The following DYNLL2 variants were observed in gnomAD, a reference collection of about 807,000 sequenced individuals.
DYNLL2 encodes the protein dynein light chain LC8-type 2, also known as dynein light chain 2, cytoplasmic.
In DYNLL2, 1 loss-of-function variant was observed where a neutral mutation model predicts 9.7. That is an observed-to-expected ratio of 0.10 (90% CI 0.04 to 0.49). DYNLL2 has a LOEUF of 0.49. Among genes scored for constraint, DYNLL2 ranks in the 20% least tolerant of loss-of-function variants. DYNLL2 has a pLI of 0.95. For missense variants in DYNLL2, 37 were observed against 115.2 expected, an observed-to-expected ratio of 0.32 and a Z score of 3.11; for synonymous variants, 35 against 40.5, an observed-to-expected ratio of 0.86 and a Z score of 0.52.
At chr17:58,086,989 C>A in intron 1 of DYNLL2, 93 bp from the exon 2 acceptor site, 1 of 1,481,580 alleles carries the variant, frequency 6.7e-7, no homozygotes, top group African/African-American at 1.4e-5. Flanking sequence ...ACCTTCTATA[C>A]TCCCCTCTTG....
At position 58,092,505 on chromosome 17, in the gene DYNLL2, A is replaced by G. The variant is rs1374652821; in HGVS notation, c.*3226A>G. On this transcript the variant is annotated 3_prime_UTR_variant, in exon 3 of 3. Transcript: ENST00000579991. ...TCACTGAAGGGACTGTGGAAAGCAG[A>G]TGGAAATTGTGGAATTCTCTCGGAA... 2 of 152,280 alleles carry G rather than the reference A, an allele frequency of 1.3e-5. No homozygotes were observed. The highest frequency in any genetic ancestry group is 2.9e-5 in the Non-Finnish European group (2 of 68,074). The allele number at this position is 152,280 out of a possible 1,614,324, so 9.4% of individuals were successfully genotyped here.
chr17:58,083,458 A>AGCGG lies in DYNLL2; in HGVS notation c.-218_-215dup, dbSNP rs376668096. On this transcript the variant is annotated 5_prime_UTR_variant, in exon 1 of 3. Transcript: ENST00000579991. ...GCGGAGCTGTGAGGCGCCAGTGCGG[A>AGCGG]GCGGGCGGGCGGGCGGGCGGCGTGA... is the stretch of plus-strand genomic sequence containing the variant. 73,850 of 130,892 alleles carry AGCGG rather than the reference A, an allele frequency of 0.56. 21,572 individuals carry two copies. The highest frequency in any genetic ancestry group is 0.78 in the East Asian group (3,254 of 4,148). The allele number at this position is 130,892 out of a possible 1,614,324, so 8.1% of individuals were successfully genotyped here. A position where few individuals can be genotyped will look rare whatever the true frequency, so the allele number is the denominator to read the frequency against.
Position 58,089,448 on chromosome 17 carries a change from C to T in DYNLL2, c.*169C>T, listed in dbSNP as rs145820835. 2.5e-6 allele frequency: 2 copies of T among 807,638 alleles called. No homozygotes were observed. Among genetic ancestry groups the T allele is most frequent in the Non-Finnish European group, 1.8e-6 (1 of 556,558 alleles). 50.0% of individuals were successfully genotyped at this position (807,638 alleles called of 1,614,324 possible). A position where few individuals can be genotyped will look rare whatever the true frequency, so the allele number is the denominator to read the frequency against. On this transcript the variant is annotated 3_prime_UTR_variant, in exon 3 of 3. Transcript: ENST00000579991. The stretch of plus-strand genomic sequence containing the variant: ...TATGTCGCAGTAAACAAAACCAAAC[C>T]TCTTTCTGTTTAGTTGCCTGGGGGA...
At position 58,094,277 on chromosome 17, in the gene DYNLL2, C is replaced by G. The variant is rs2075790261; in HGVS notation, c.*4998C>G. The G allele has an allele frequency of 6.6e-6, 1 of 152,094 alleles. No homozygotes were observed. The highest frequency in any genetic ancestry group is 6.5e-5 in the Admixed American group (1 of 15,272). The allele number at this position is 152,094 out of a possible 1,614,324, so 9.4% of individuals were successfully genotyped here. A position where few individuals can be genotyped will look rare whatever the true frequency, so the allele number is the denominator to read the frequency against. Reference sequence around the variant, plus strand: ...TCTGTAAGATGGAAACAATATGTGTCTTTTCTAAGGGGAAAGATCAAATGA... The same window carrying G: ...TCTGTAAGATGGAAACAATATGTGTGTTTTCTAAGGGGAAAGATCAAATGA... On this transcript the variant is annotated 3_prime_UTR_variant, in exon 3 of 3. Coordinates refer to ENST00000579991, the MANE Select transcript of DYNLL2 (RefSeq NM_080677.3).
Position 58,091,764 on chromosome 17 carries a change from A to G in DYNLL2, c.*2485A>G, listed in dbSNP as rs2143601247. 2 of 152,300 alleles carry G rather than the reference A, an allele frequency of 1.3e-5. No individual in the cohort carries two copies. The highest frequency in any genetic ancestry group is 6.8e-3 in the Middle Eastern group (2 of 294). 9.4% of individuals were successfully genotyped at this position (152,300 alleles called of 1,614,324 possible). On this transcript the variant is annotated 3_prime_UTR_variant, in exon 3 of 3. Coordinates refer to ENST00000579991, the MANE Select transcript of DYNLL2 (RefSeq NM_080677.3). The stretch of plus-strand genomic sequence containing the variant: ...ACAACTCGAGAAATCAGCAGTGCCA[A>G]GACTTCTGAGAGTGTCTGCCCACCC...
In DYNLL2 at chr17:58,092,614, C is replaced by T. The variant is rs1027637734; in HGVS notation, c.*3335C>T. 1 of 152,212 alleles carries T rather than the reference C, an allele frequency of 6.6e-6. No individual in the cohort carries two copies. The highest frequency in any genetic ancestry group is 1.5e-5 in the Non-Finnish European group (1 of 68,066). The allele number at this position is 152,212 out of a possible 1,614,324, so 9.4% of individuals were successfully genotyped here. A position where few individuals can be genotyped will look rare whatever the true frequency, so the allele number is the denominator to read the frequency against. ...TCCTGTTCTCCAGTCTTCTGGGGACCCCCTTTGACTGAACCCAACCAAATG... is the reference window on the plus strand; with the variant it reads ...TCCTGTTCTCCAGTCTTCTGGGGACTCCCTTTGACTGAACCCAACCAAATG... On this transcript the variant is annotated 3_prime_UTR_variant, in exon 3 of 3. Coordinates refer to ENST00000579991, the MANE Select transcript of DYNLL2 (RefSeq NM_080677.3).
Position 58,087,369 on chromosome 17 carries a change from C to T in DYNLL2, c.132+147C>T. ...GGAACTTGCAAAGCAGACAAACTAG[C>T]GAGTGATTCCGAATTGCCCAAGCAT... On this transcript the variant is annotated intron_variant, in intron 2 of 2. Coordinates refer to ENST00000579991, the MANE Select transcript of DYNLL2 (RefSeq NM_080677.3). 3.4e-6 allele frequency: 4 copies of T among 1,161,072 alleles called. No individual in the cohort carries two copies. The South Asian group carries it at 4.8e-5, about 14-fold the overall frequency. The allele number at this position is 1,161,072 out of a possible 1,614,324, so 71.9% of individuals were successfully genotyped here.
At position 58,091,925 on chromosome 17, in the gene DYNLL2, C is replaced by T. The variant is rs2075781602; in HGVS notation, c.*2646C>T. Reference sequence around the variant, plus strand: ...GTATGCTTGGGCCTAGGATGCTGTTCACAGAGGAGAATGAGACAAGTAAGT... The same window carrying T: ...GTATGCTTGGGCCTAGGATGCTGTTTACAGAGGAGAATGAGACAAGTAAGT... On this transcript the variant is annotated 3_prime_UTR_variant, in exon 3 of 3. Transcript: ENST00000579991. The T allele has an allele frequency of 6.6e-6, 1 of 152,182 alleles. No individual in the cohort carries two copies. Among genetic ancestry groups the T allele is most frequent in the East Asian group, 1.9e-4 (1 of 5,198 alleles). The allele number at this position is 152,182 out of a possible 1,614,324, so 9.4% of individuals were successfully genotyped here. A position where few individuals can be genotyped will look rare whatever the true frequency, so the allele number is the denominator to read the frequency against.
Position 58,092,941 on chromosome 17 carries a change from CT to C in DYNLL2, c.*3663del, listed in dbSNP as rs1298850871. The C allele has an allele frequency of 6.6e-6, 1 of 152,262 alleles. No individual in the cohort carries two copies. Among genetic ancestry groups the C allele is most frequent in the Non-Finnish European group, 1.5e-5 (1 of 68,042 alleles). 9.4% of individuals were successfully genotyped at this position (152,262 alleles called of 1,614,324 possible). A position where few individuals can be genotyped will look rare whatever the true frequency, so the allele number is the denominator to read the frequency against. On this transcript the variant is annotated 3_prime_UTR_variant, in exon 3 of 3. Transcript: ENST00000579991. ...TGACATCCTGTGCAAGATAGCACCT[CT>C]CCCCCATCGCTGTTATCCTTACCCA...
chr17:58,084,036 C>A (rs960593734), intron 1 of DYNLL2, among the ~76,000 whole-genome samples: 4 of 152,002 alleles, frequency 2.6e-5, no homozygotes, highest in African/African-American at 9.7e-5. Flanking sequence ...GTGGAGAGGG[C>A]TCGGGCGTGA....
chr17:58,088,679 T>G (rs1270656728), intron 2 of DYNLL2, among the ~76,000 whole-genome samples: 2 of 152,214 alleles, frequency 1.3e-5, no homozygotes, highest in Admixed American at 6.5e-5. Flanking sequence ...TTTGGTCTTG[T>G]TTTGCTCTAA....
At position 58,083,466 on chromosome 17, in the gene DYNLL2, G is replaced by GA. The variant is rs1402871957; in HGVS notation, c.-227_-226insA. On this transcript the variant is annotated 5_prime_UTR_variant, in exon 1 of 3. Coordinates refer to ENST00000579991, the MANE Select transcript of DYNLL2 (RefSeq NM_080677.3). Reference sequence around the variant, plus strand: ...GTGAGGCGCCAGTGCGGAGCGGGCGGGCGGGCGGGCGGCGTGAGGCGGAGC... The same window carrying GA: ...GTGAGGCGCCAGTGCGGAGCGGGCGGAGCGGGCGGGCGGCGTGAGGCGGAGC... 6.8e-6 allele frequency: 1 copy of GA among 148,026 alleles called. No homozygotes were observed. The highest frequency in any genetic ancestry group is 2.5e-5 in the African/African-American group (1 of 40,098). 9.2% of individuals were successfully genotyped at this position (148,026 alleles called of 1,614,324 possible).
chr17:58,084,445 G>T (rs910553246), intron 1 of DYNLL2, among the ~76,000 whole-genome samples: 1 of 152,296 alleles, frequency 6.6e-6, no homozygotes. Context: ...TTTCACAGGA[G>T]CCTTGGCTCG....
At position 58,092,882 on chromosome 17, in the gene DYNLL2, T is replaced by A. The variant is rs2075785425; in HGVS notation, c.*3603T>A. On this transcript the variant is annotated 3_prime_UTR_variant, in exon 3 of 3. Transcript: ENST00000579991. The stretch of plus-strand genomic sequence containing the variant: ...ATTATTCTCTCACCTCCTTTCAGTC[T>A]TTGCTCAAACATCCTTTTATCAGAG... 6.6e-6 allele frequency: 1 copy of A among 152,284 alleles called. No individual in the cohort carries two copies. The highest frequency in any genetic ancestry group is 1.5e-5 in the Non-Finnish European group (1 of 68,066). 9.4% of individuals were successfully genotyped at this position (152,284 alleles called of 1,614,324 possible). A position where few individuals can be genotyped will look rare whatever the true frequency, so the allele number is the denominator to read the frequency against.
At chr17:58,089,031 G>A (rs1468033829) in intron 2 of DYNLL2, 111 bp from the exon 3 acceptor site, 2 of 1,376,216 alleles carry the variant, frequency 1.5e-6, no homozygotes, top group African/African-American at 1.5e-5. Context: ...GGGTGGGGGT[G>A]ATAACAACCA....
chr17:58,091,291 G>A lies in DYNLL2; in HGVS notation c.*2012G>A, dbSNP rs1024607473. Reference sequence around the variant, plus strand: ...TGGTGGCAGTGGTGCCACACAGTGGGTGAGGGTGGAGAGTCTCCAGGGTGG... The same window carrying A: ...TGGTGGCAGTGGTGCCACACAGTGGATGAGGGTGGAGAGTCTCCAGGGTGG... On this transcript the variant is annotated 3_prime_UTR_variant, in exon 3 of 3. Coordinates refer to ENST00000579991, the MANE Select transcript of DYNLL2 (RefSeq NM_080677.3). The A allele has an allele frequency of 2.6e-5, 4 of 152,362 alleles. No individual in the cohort carries two copies. Among genetic ancestry groups the A allele is most frequent in the Admixed American group, 2.0e-4 (3 of 15,274 alleles). The allele number at this position is 152,362 out of a possible 1,614,324, so 9.4% of individuals were successfully genotyped here. A position where few individuals can be genotyped will look rare whatever the true frequency, so the allele number is the denominator to read the frequency against.
At chr17:58,086,566 A>G (rs1567766047) in intron 1 of DYNLL2, among the ~76,000 whole-genome samples, 1 of 152,250 alleles carries the variant, frequency 6.6e-6, no homozygotes, top group Non-Finnish European at 1.5e-5. Flanking sequence ...CAGGACCAGG[A>G]GTCAGGCCTA....
chr17:58,087,462 A>G (rs954273695), intron 2 of DYNLL2, among the ~76,000 whole-genome samples: 2 of 152,132 alleles, frequency 1.3e-5, no homozygotes, highest in African/African-American at 4.8e-5. Context: ...TTACTTTTAC[A>G]GGTAATTATG....
At chr17:58,085,045 A>G (rs907574225) in intron 1 of DYNLL2, among the ~76,000 whole-genome samples, 2 of 152,208 alleles carry the variant, frequency 1.3e-5, no homozygotes, top group East Asian at 1.9e-4. Flanking sequence ...AGGTCACGTA[A>G]CTAGTCATTC....
Sources: allele counts gnomAD v4.1 joint callset (sites outside exome capture counted in the v4.1 genomes callset), GRCh38; gene constraint gnomAD v4.1.1; transcripts MANE v1.5; gene names NCBI Gene and HGNC (gene_info 2026-07-23, HGNC 2026-07-21).